Variants in MALL observed in about 807,000 individuals in gnomAD.
MALL encodes the protein MAL-like protein.
In MALL, 2 loss-of-function variants were observed where a neutral mutation model predicts 10.3. The ratio of observed to expected loss-of-function variants is 0.19; its 90% CI spans 0.08 to 0.61. The LOEUF (loss-of-function observed/expected upper bound fraction) is 0.61. Among genes scored for constraint, MALL ranks in the 20% least tolerant of loss-of-function variants. The probability of loss-of-function intolerance (pLI) is 0.88; values close to 1 mark genes in which losing one functional copy is unlikely to be tolerated. For missense variants in MALL, 39 were observed against 115.2 expected (o/e 0.34, Z 3.03); for synonymous variants, 27 against 51.8 (o/e 0.52, Z 2.05).
In MALL at chr2:110,097,090, C is replaced by CA. The variant is rs1209593634; in HGVS notation, c.106-5321dup. The stretch of plus-strand genomic sequence containing the variant: ...CACTCTGCAATCTTCAAAAACAAAA[C>CA]AAAACAAAAAAAAAAAAAGAGAGAG... On this transcript the variant is annotated intron_variant, in intron 1 of 3. Coordinates refer to ENST00000272462, the MANE Select transcript of MALL (RefSeq NM_005434.5). Among the ~76,000 whole-genome samples, 8 of 24,122 alleles carry CA rather than the reference C, an allele frequency of 3.3e-4. No homozygotes were observed. In the South Asian group the frequency reaches 0.014, roughly 41 times the overall value. 15.8% of individuals were successfully genotyped at this position (24,122 alleles called of 152,430 possible).
intron 1 of MALL, among the ~76,000 whole-genome samples, chr2:110,101,681 C>T (rs932202077): frequency 6.6e-6 from 1 of 152,134 alleles, no homozygotes; most frequent in African/African-American, 2.4e-5. Context: ...CCCATTCCTG[C>T]TTCCTCCTCC....
At chr2:110,114,748 C>A (rs1453829105) in intron 1 of MALL, among the ~76,000 whole-genome samples, 1 of 151,582 alleles carries the variant, frequency 6.6e-6, no homozygotes, top group Non-Finnish European at 1.5e-5. Context: ...GATGCACTTT[C>A]TATCTTTTCC....
upstream of MALL, among the ~76,000 whole-genome samples, chr2:110,117,641 G>C (rs1032975014): frequency 6.6e-6 from 1 of 150,738 alleles, no homozygotes; most frequent in Non-Finnish European, 1.5e-5. Flanking sequence ...GAGAGAGAGA[G>C]AGAGAGAGAG....
At chr2:110,115,369 C>G (rs987411651) in intron 1 of MALL, among the ~76,000 whole-genome samples, 2 of 152,128 alleles carry the variant, frequency 1.3e-5, no homozygotes, top group African/African-American at 4.8e-5. Flanking sequence ...ACCCCCTTGG[C>G]GGCATAAGAC....
chr2:110,097,958 C>T (rs968688860), intron 1 of MALL, among the ~76,000 whole-genome samples: 23 of 152,096 alleles, frequency 1.5e-4, no homozygotes, highest in African/African-American at 4.6e-4. Flanking sequence ...AAGATGGGTG[C>T]GGCTCTTGTC....
At chr2:110,108,305 G>A (rs977219627) in intron 1 of MALL, among the ~76,000 whole-genome samples, 6 of 152,070 alleles carry the variant, frequency 3.9e-5, no homozygotes, top group African/African-American at 1.2e-4. Flanking sequence ...GAAGTGAAGG[G>A]AGAAATATTC....
At chr2:110,106,094 G>A (rs891964424) in intron 1 of MALL, among the ~76,000 whole-genome samples, 12 of 152,122 alleles carry the variant, frequency 7.9e-5, no homozygotes, top group Admixed American at 2.6e-4. Context: ...CATGGTCTCC[G>A]CTTTTAACTT....
intron 1 of MALL, among the ~76,000 whole-genome samples, chr2:110,107,350 G>A (rs1245977546): frequency 6.6e-6 from 1 of 152,088 alleles, no homozygotes; most frequent in Non-Finnish European, 1.5e-5. Flanking sequence ...GCTGCTGGGG[G>A]GTACACAGAG....
At chr2:110,116,742 AT>A (rs1433093483), upstream of MALL, among the ~76,000 whole-genome samples, 2 of 152,074 alleles carry the variant, frequency 1.3e-5, no homozygotes, top group Non-Finnish European at 2.9e-5. Flanking sequence ...AGGCTGAACC[AT>A]TTTCCCCTCC....
chr2:110,105,103 T>C (rs1332513447), intron 1 of MALL, among the ~76,000 whole-genome samples: 1 of 152,194 alleles, frequency 6.6e-6, no homozygotes, highest in Non-Finnish European at 1.5e-5. Context: ...CTTTCCATTG[T>C]TGATGAAACT....
intron 1 of MALL, among the ~76,000 whole-genome samples, chr2:110,097,095 C>A (rs73956200): frequency 3.0e-3 from 416 of 139,128 alleles, no homozygotes; most frequent in Non-Finnish European, 3.8e-3. Context: ...CAAAACAAAA[C>A]AAAAAAAAAA....
intron 1 of MALL, among the ~76,000 whole-genome samples, chr2:110,106,356 G>C (rs1574035273): frequency 6.6e-6 from 1 of 152,100 alleles, no homozygotes; most frequent in Non-Finnish European, 1.5e-5. Flanking sequence ...CCCGCAGACA[G>C]CTGGCTCCAG....
intron 1 of MALL, among the ~76,000 whole-genome samples, chr2:110,092,561 G>A (rs1402466558): frequency 1.9e-5 from 1 of 52,272 alleles, no homozygotes; most frequent in Non-Finnish European, 4.9e-5. Flanking sequence ...TTTTAATGCA[G>A]TTGAATATGT....
intron 1 of MALL, among the ~76,000 whole-genome samples, chr2:110,103,692 C>T (rs773231583): frequency 6.6e-6 from 1 of 152,162 alleles, no homozygotes; most frequent in African/African-American, 2.4e-5. Context: ...GTGGCTCCTT[C>T]AGAGCAGCCG....
At chr2:110,096,543 G>T (rs1447666024) in intron 1 of MALL, among the ~76,000 whole-genome samples, 2 of 152,168 alleles carry the variant, frequency 1.3e-5, no homozygotes, top group Admixed American at 1.3e-4. Context: ...CCATGAGAAA[G>T]ATACAGAGGA....
intron 1 of MALL, among the ~76,000 whole-genome samples, chr2:110,103,595 T>C (rs1678626163): frequency 6.6e-6 from 1 of 152,182 alleles, no homozygotes; most frequent in Admixed American, 6.5e-5. Flanking sequence ...GCACTTCTAC[T>C]GGCAAGGCTC....
intron 1 of MALL, among the ~76,000 whole-genome samples, chr2:110,108,377 T>C (rs1678738224): frequency 6.6e-6 from 1 of 151,916 alleles, no homozygotes; most frequent in South Asian, 2.1e-4. Context: ...GACACACTTT[T>C]AGAAATGTGA....
At chr2:110,097,634 A>G (rs1393648839) in intron 1 of MALL, 3 of 443,522 alleles carry the variant, frequency 6.8e-6, no homozygotes, top group East Asian at 7.1e-5. Flanking sequence ...TGTCAAAAAG[A>G]TGCATGGTCT....
chr2:110,116,563 T>G (rs1412032349), upstream of MALL: 2 of 152,642 alleles, frequency 1.3e-5, no homozygotes, highest in African/African-American at 4.8e-5. Flanking sequence ...CTGCTGCCTC[T>G]AGTGGACAAC....
Sources: gnomAD v4.1 joint callset for allele counts (sites outside exome capture counted in the v4.1 genomes callset) on GRCh38, gnomAD v4.1.1 for gene constraint, MANE v1.5 for transcripts, NCBI Gene and HGNC (gene_info 2026-07-23, HGNC 2026-07-21) for gene names.